ZNF711: variants seen among roughly 807,000 people sequenced by gnomAD.
The protein encoded by ZNF711 is zinc finger protein 711.
A neutral mutation model predicts 43.5 loss-of-function variants in ZNF711; 3 were observed. That is an observed-to-expected ratio of 0.07 (90% CI 0.03 to 0.18). The LOEUF is 0.18. Among genes scored for constraint, ZNF711 ranks in the 10% least tolerant of loss-of-function variants. ZNF711 has a pLI of 1.00. For missense variants in ZNF711, 412 were observed against 604.0 expected (o/e 0.68, Z 3.33); for synonymous variants, 209 against 207.7 (o/e 1.01, Z -0.06).
At chrX:85,262,165 A>G (rs1930707112) in intron 5 of ZNF711, among the ~76,000 whole-genome samples, 1 of 111,108 alleles carries the variant, frequency 9.0e-6, no homozygotes, top group African/African-American at 3.3e-5. Context: ...ATGAACCTTA[A>G]GAAAAGGTAG....
chrX:85,269,232 T>A (rs751493498), intron 9 of ZNF711, among the ~76,000 whole-genome samples: 109 of 111,587 alleles, frequency 9.8e-4, no homozygotes, highest in African/African-American at 3.4e-3. Context: ...ACCATAACTA[T>A]AATGGTTCAG....
rs368961303 is a variant in ZNF711, at chrX:85,246,424, G to C, written c.-286+402G>C. Among the ~76,000 whole-genome samples the C allele has an allele frequency of 1.4e-4, 16 of 112,182 alleles. No homozygotes were observed. The East Asian group carries it at 3.9e-3, about 27-fold the overall frequency. ...GCATATTTATGTATATACCTGAAAT[G>C]GTGATAGGGGTTCCTCTGAGACTCT... On this transcript the variant is annotated intron_variant, in intron 2 of 10. Transcript: ENST00000674551.
intron 4 of ZNF711, among the ~76,000 whole-genome samples, chrX:85,253,749 C>T (rs1217829543): frequency 4.9e-5 from 5 of 102,641 alleles, no homozygotes; most frequent in Non-Finnish European, 9.8e-5. Context: ...TATATGCTAT[C>T]CCTGTGTGTT....
intron 5 of ZNF711, among the ~76,000 whole-genome samples, chrX:85,256,695 A>T (rs1393726211): frequency 9.0e-6 from 1 of 111,511 alleles, no homozygotes; most frequent in Non-Finnish European, 1.9e-5. Flanking sequence ...AGTGAATTTA[A>T]AACTGAAAAT....
At chrX:85,250,249 T>C (rs934839014) in intron 4 of ZNF711, among the ~76,000 whole-genome samples, 1 of 111,631 alleles carries the variant, frequency 9.0e-6, no homozygotes, top group Non-Finnish European at 1.9e-5. Flanking sequence ...ACAGAATAAA[T>C]AGCAGAGCCT....
rs1277513502 is a variant in ZNF711 at position 85,255,538 on chromosome X, A to G, written c.359A>G (p.Glu120Gly). 4.1e-6 allele frequency: 5 copies of G among 1,210,207 alleles called. No individual in the cohort carries two copies. The African/African-American group carries it at 7.0e-5, about 17-fold the overall frequency. ...DHILTSELITETVRVPEQVFV... is the reference protein window; with the variant it reads ...DHILTSELITGTVRVPEQVFV... ...ATCTTGACTTCTGAACTAATTACAG[A>G]AACCGTTAGGGTACCAGAGCAGGTT... is the stretch of plus-strand genomic sequence containing the variant. The change falls in exon 5 of 11, where the codon GAA becomes GGA. Residue 120 changes from glutamate (E) to glycine (G), a missense_variant. By Grantham distance (98) the Glu-to-Gly change is moderately conservative (BLOSUM62 -2). Transcript: ENST00000674551.
At chrX:85,269,242 G>A (rs918888269) in intron 9 of ZNF711, among the ~76,000 whole-genome samples, 1 of 111,324 alleles carries the variant, frequency 9.0e-6, no homozygotes, top group Non-Finnish European at 1.9e-5. Context: ...TAATGGTTCA[G>A]TAATATGTCT....
At chrX:85,258,450 A>G (rs1439025516) in intron 5 of ZNF711, among the ~76,000 whole-genome samples, 1 of 110,656 alleles carries the variant, frequency 9.0e-6, no homozygotes, top group Non-Finnish European at 1.9e-5. Flanking sequence ...TGGGTGCACT[A>G]AAATCTCATA....
chrX:85,271,138 A>G lies in ZNF711; in HGVS notation c.1734A>G (p.Pro578=). The change falls in exon 11 of 11, where the codon CCA becomes CCG. Residue 578 remains proline, a synonymous_variant. Coordinates refer to ENST00000674551, the MANE Select transcript of ZNF711 (RefSeq NM_001330574.2). ...KHMRTHTGEK[P]YQCQYCIFRC... ...TGAGAACCCATACTGGTGAGAAGCC[A>G]TATCAGTGTCAGTATTGTATTTTCA... The G allele has an allele frequency of 8.3e-7, 1 of 1,210,799 alleles. No individual in the cohort carries two copies. Among genetic ancestry groups the G allele is most frequent in the East Asian group, 3.0e-5 (1 of 33,749 alleles).
At position 85,267,426 on chromosome X, in the gene ZNF711, G is replaced by A. The variant is rs746906548; in HGVS notation, c.1054+11G>A. On this transcript the variant is annotated intron_variant, in intron 8 of 10. Coordinates refer to ENST00000674551, the MANE Select transcript of ZNF711 (RefSeq NM_001330574.2). Reference sequence around the variant, plus strand: ...GGGCTGCGGCATATGGTAGGATACTGGCATTTTTTCACCTGATAAGTACAT... The same window carrying A: ...GGGCTGCGGCATATGGTAGGATACTAGCATTTTTTCACCTGATAAGTACAT... 7.2e-6 allele frequency: 8 copies of A among 1,110,190 alleles called. No homozygotes were observed. Among genetic ancestry groups the A allele is most frequent in the Non-Finnish European group, 9.4e-6 (8 of 851,637 alleles). 91.5% of individuals were successfully genotyped at this position (1,110,190 alleles called of 1,213,427 possible).
chrX:85,249,556 C>T (rs1478048017), intron 4 of ZNF711, among the ~76,000 whole-genome samples: 5 of 111,349 alleles, frequency 4.5e-5, no homozygotes, highest in Non-Finnish European at 9.4e-5. Context: ...TTTTAACCTT[C>T]CTTTCCATTG....
intron 4 of ZNF711, among the ~76,000 whole-genome samples, chrX:85,251,774 T>C (rs1356438588): frequency 9.1e-6 from 1 of 110,366 alleles, no homozygotes; most frequent in Non-Finnish European, 1.9e-5. Context: ...GTGCCTCACT[T>C]AGTTAATCTT....
chrX:85,245,168 G>A (rs1672906379), intron 1 of ZNF711, among the ~76,000 whole-genome samples: 1 of 111,751 alleles, frequency 8.9e-6, no homozygotes, highest in Non-Finnish European at 1.9e-5. Flanking sequence ...TTGTTCTGCC[G>A]CCTTACCATT....
In ZNF711 at chrX:85,247,048, A is replaced by G; in HGVS notation, c.-167A>G. 1 of 296,812 alleles carries G rather than the reference A, an allele frequency of 3.4e-6. No homozygotes were observed. Among genetic ancestry groups the G allele is most frequent in the Non-Finnish European group, 5.9e-6 (1 of 169,930 alleles). 24.5% of individuals were successfully genotyped at this position (296,812 alleles called of 1,213,427 possible). On this transcript the variant is annotated 5_prime_UTR_variant, in exon 3 of 11. Transcript: ENST00000674551. ...AAACTGGGATAGAACATTTTACATT[A>G]TAAGTAGAACCCTGGGAGCCAGAGG... is the stretch of plus-strand genomic sequence containing the variant.
In ZNF711 at chrX:85,247,180, T is replaced by C. The variant is rs1929108552; in HGVS notation, c.-35T>C. ...TCACTAATACTAGACATCTGAGTCC[T>C]CTAGTAATGTATAAATATCCTAACT... is the stretch of plus-strand genomic sequence containing the variant. On this transcript the variant is annotated 5_prime_UTR_variant, in exon 3 of 11. Transcript: ENST00000674551. The C allele has an allele frequency of 3.3e-6, 1 of 303,007 alleles. No individual in the cohort carries two copies. Among genetic ancestry groups the C allele is most frequent in the Admixed American group, 5.7e-5 (1 of 17,466 alleles). The allele number at this position is 303,007 out of a possible 1,213,427, so 25.0% of individuals were successfully genotyped here.
At chrX:85,252,861 C>G (rs17325040) in intron 4 of ZNF711, among the ~76,000 whole-genome samples, 12,552 of 111,114 alleles carry the variant, frequency 0.11, 585 homozygotes, top group South Asian at 0.18. Flanking sequence ...TCAGCTTTCC[C>G]TTTTCACCTT....
intron 10 of ZNF711, 131 bp downstream of exon 10, chrX:85,270,277 A>AT: frequency 1.5e-5 from 9 of 617,052 alleles, no homozygotes; most frequent in African/African-American, 2.7e-5. Context: ...GCTATAGATA[A>AT]TTGTTTTTTT....
At chrX:85,265,036 A>G (rs1930979429) in intron 6 of ZNF711, 82 bp from the exon 7 acceptor site, 2 of 859,149 alleles carry the variant, frequency 2.3e-6, no homozygotes, top group East Asian at 3.6e-5. Context: ...TTTCTAAGAA[A>G]TATTTCTATA....
At chrX:85,253,180 C>T (rs16980180) in intron 4 of ZNF711, among the ~76,000 whole-genome samples, 23,865 of 110,337 alleles carry the variant, frequency 0.22, 2,464 homozygotes, top group African/African-American at 0.4. Flanking sequence ...TTTACCATGC[C>T]GCTCAAGAAA....
Sources: allele counts gnomAD v4.1 joint callset (sites outside exome capture counted in the v4.1 genomes callset), GRCh38; gene constraint gnomAD v4.1.1; transcripts MANE v1.5; gene names NCBI Gene and HGNC (gene_info 2026-07-23, HGNC 2026-07-21).